WNK1: variants seen among roughly 807,000 people sequenced by gnomAD.
WNK1 encodes the protein WNK lysine deficient protein kinase 1, also known as serine/threonine-protein kinase WNK1.
A neutral mutation model predicts 222.8 loss-of-function variants in WNK1; 38 were observed. That is an observed-to-expected ratio of 0.17 (90% CI 0.13 to 0.22). The LOEUF (loss-of-function observed/expected upper bound fraction) is 0.22. Ranked by LOEUF, WNK1 falls within the 10% of genes least tolerant of loss-of-function variation. The pLI, the probability that WNK1 is intolerant of heterozygous loss-of-function variation, is 1.00. For synonymous variants in WNK1, 1,090 were observed against 1,092.9 expected (o/e 1.00, Z 0.05); for missense variants, 2,348 against 2,918.4 (o/e 0.80, Z 4.50).
Position 911,421 on chromosome 12 carries a change from C to CCATT in WNK1, c.*2632_*2635dup. The CCATT allele has an allele frequency of 2.5e-6, 1 of 398,518 alleles. No homozygotes were observed. Among genetic ancestry groups the CCATT allele is most frequent in the Non-Finnish European group, 4.4e-6 (1 of 226,038 alleles). 24.7% of individuals were successfully genotyped at this position (398,518 alleles called of 1,614,324 possible). A position where few individuals can be genotyped will look rare whatever the true frequency, so the allele number is the denominator to read the frequency against. ...ACCTTTGTAGACTTATTTAATGAAA[C>CCATT]CATTCAAATAAACCAAACTTGCTTT... On this transcript the variant is annotated 3_prime_UTR_variant, in exon 28 of 28. Coordinates refer to ENST00000315939, the MANE Select transcript of WNK1 (RefSeq NM_018979.4).
chr12:769,941 C>T (rs563983162), intron 1 of WNK1, among the ~76,000 whole-genome samples: 1 of 152,054 alleles, frequency 6.6e-6, no homozygotes, highest in African/African-American at 2.4e-5. Flanking sequence ...AGGCAGAGCC[C>T]CACTTCCCAA....
intron 5 of WNK1, 84 bp from the exon 6 acceptor site, chr12:859,156 AATAAC>A: frequency 8.7e-7 from 1 of 1,148,678 alleles, no homozygotes; most frequent in East Asian, 2.4e-5. Flanking sequence ...TTCTTCTGCG[AATAAC>A]AATAATTGGC....
At chr12:829,155 G>A (rs1948601307) in intron 3 of WNK1, among the ~76,000 whole-genome samples, 2 of 152,164 alleles carry the variant, frequency 1.3e-5, no homozygotes, top group Admixed American at 1.3e-4. Context: ...GTGCATGCCT[G>A]TTTCTTGGAA....
At chr12:834,821 T>C (rs1365132291) in intron 4 of WNK1, among the ~76,000 whole-genome samples, 3 of 152,152 alleles carry the variant, frequency 2.0e-5, no homozygotes, top group Non-Finnish European at 4.4e-5. Context: ...TTAAGGATGA[T>C]AAAGGCTTAA....
chr12:857,292 T>TA, intron 5 of WNK1, 43 bp downstream of exon 5: 1 of 1,530,972 alleles, frequency 6.5e-7, no homozygotes, highest in African/African-American at 1.4e-5. Context: ...GAACAAAACC[T>TA]AAAAAGTAAT....
intron 1 of WNK1, among the ~76,000 whole-genome samples, chr12:807,435 C>A (rs1946470812): frequency 6.6e-6 from 1 of 150,776 alleles, no homozygotes; most frequent in Non-Finnish European, 1.5e-5. Flanking sequence ...TGATTTCTTT[C>A]CTGAACAAAA....
intron 1 of WNK1, among the ~76,000 whole-genome samples, chr12:773,590 G>A (rs545486584): frequency 6.6e-6 from 1 of 152,202 alleles, no homozygotes; most frequent in East Asian, 1.9e-4. Flanking sequence ...TGTCGATATA[G>A]CATTTAGAAT....
chr12:772,137 C>G (rs1442097724), intron 1 of WNK1, among the ~76,000 whole-genome samples: 17 of 152,070 alleles, frequency 1.1e-4, no homozygotes, highest in Admixed American at 1.0e-3. Context: ...GTAAAACACT[C>G]TCGTTATAAA....
chr12:818,278 C>T (rs1408233864), intron 2 of WNK1, among the ~76,000 whole-genome samples: 2 of 152,130 alleles, frequency 1.3e-5, no homozygotes, highest in African/African-American at 4.8e-5. Context: ...TTCTGAGCTT[C>T]AGAGGCTTAT....
intron 4 of WNK1, among the ~76,000 whole-genome samples, chr12:849,222 C>T (rs1950243887): frequency 6.6e-6 from 1 of 152,148 alleles, no homozygotes; most frequent in Non-Finnish European, 1.5e-5. Context: ...GCATTTCTAA[C>T]CTTTAGATGT....
chr12:880,674 A>G (rs1426631472), intron 11 of WNK1, 47 bp from the exon 12 acceptor site: 18 of 1,556,728 alleles, frequency 1.2e-5, no homozygotes, highest in East Asian at 2.3e-5. Context: ...TTGCTAATTT[A>G]TTGACCCCCA....
At position 907,871 on chromosome 12, in the gene WNK1, G is replaced by C. The variant is rs756403070; in HGVS notation, c.6668G>C (p.Gly2223Ala). The change falls in exon 27 of 28, where the codon GGG (glycine) becomes GCG (alanine). Residue 2223 changes from glycine to alanine, a missense_variant. By Grantham distance (60) the Gly-to-Ala change is moderately conservative. Coordinates refer to ENST00000315939, the MANE Select transcript of WNK1 (RefSeq NM_018979.4). ...GQGTSSTNTV[G>A]ATVNSQAAQA... ...GGAACCAGCAGCACAAACACTGTTG[G>C]GGCAACAGTGAACAGCCAAGCCGCC... 4 of 1,613,688 alleles carry C rather than the reference G, an allele frequency of 2.5e-6. No individual in the cohort carries two copies. The African/African-American group carries it at 4.0e-5, about 16-fold the overall frequency.
At chr12:881,301 T>C (rs1289688495) in intron 12 of WNK1, among the ~76,000 whole-genome samples, 1 of 152,202 alleles carries the variant, frequency 6.6e-6, no homozygotes, top group Non-Finnish European at 1.5e-5. Context: ...CCATTGGCAG[T>C]CATAAGAGTA....
rs764944157 is a variant in WNK1, at chr12:896,418, A to T, written c.5931A>T (p.Ala1977=). The change falls in exon 24 of 28, where the codon GCA becomes GCT. Residue 1977 remains alanine, a synonymous_variant. Coordinates refer to ENST00000315939, the MANE Select transcript of WNK1 (RefSeq NM_018979.4). ...ACACAAAGAAAGAAGGACCAGTGGC[A>T]TCTCCTCCTTTTATGGATTTGGAAC... ...ITDTKKEGPV[A]SPPFMDLEQA... 6 of 1,614,034 alleles carry T rather than the reference A, an allele frequency of 3.7e-6. No individual in the cohort carries two copies. The East Asian group carries it at 1.3e-4, about 36-fold the overall frequency.
At chr12:802,712 A>AT (rs1946004592) in intron 1 of WNK1, among the ~76,000 whole-genome samples, 5 of 152,172 alleles carry the variant, frequency 3.3e-5, no homozygotes, top group African/African-American at 1.2e-4. Flanking sequence ...CTTGTCACAG[A>AT]GTTTAAAGGT....
At chr12:849,281 T>C (rs1472166956) in intron 4 of WNK1, among the ~76,000 whole-genome samples, 5 of 152,220 alleles carry the variant, frequency 3.3e-5, no homozygotes, top group Admixed American at 1.3e-4. Flanking sequence ...CTGTTGGTAA[T>C]TGAAGCCTTA....
intron 1 of WNK1, among the ~76,000 whole-genome samples, chr12:773,914 TG>T (rs1440080424): frequency 2.6e-5 from 4 of 152,192 alleles, no homozygotes; most frequent in African/African-American, 9.7e-5. Context: ...GTAAATATAG[TG>T]GGCGAGGGTC....
At position 765,421 on chromosome 12, in the gene WNK1, C is replaced by T. The variant is rs963870971; in HGVS notation, c.759+11097C>T. On this transcript the variant is annotated intron_variant, in intron 1 of 27. Transcript: ENST00000315939. ...ATTAGCTGGGCCTGGTGGTGTGCAT[C>T]TGTAACCCCAGCTACTTTAAGAGAC... is the stretch of plus-strand genomic sequence containing the variant. Among the ~76,000 whole-genome samples the T allele has an allele frequency of 6.1e-5, 9 of 147,310 alleles. No homozygotes were observed. The East Asian group carries it at 1.6e-3, about 26-fold the overall frequency.
chr12:784,150 GT>G (rs1482747215), intron 1 of WNK1, among the ~76,000 whole-genome samples: 70 of 151,978 alleles, frequency 4.6e-4, no homozygotes, highest in African/African-American at 1.5e-3. Flanking sequence ...GAGCCCAGGA[GT>G]TTTGAGACCA....
Sources: gnomAD v4.1 joint callset for allele counts (sites outside exome capture counted in the v4.1 genomes callset) on GRCh38, gnomAD v4.1.1 for gene constraint, MANE v1.5 for transcripts, NCBI Gene and HGNC (gene_info 2026-07-23, HGNC 2026-07-21) for gene names.